The following BRD3 variants were observed in gnomAD, a reference collection of about 807,000 sequenced individuals.
BRD3 encodes the protein bromodomain containing 3.
Under a neutral mutation model 66.8 loss-of-function variants are expected in BRD3, and 17 were observed. That is an observed-to-expected ratio of 0.25 (90% confidence interval 0.17 to 0.38). The LOEUF is 0.38. BRD3 is among the 10% of genes least tolerant of loss of function. The pLI, the probability that BRD3 is intolerant of heterozygous loss-of-function variation, is 1.00. For synonymous variants in BRD3, 421 were observed against 393.2 expected (o/e 1.07, Z -0.84); for missense variants, 713 against 956.1 (o/e 0.75, Z 3.35).
Position 134,052,410 on chromosome 9 carries a change from T to A in BRD3, c.247A>T (p.Met83Leu). Residue 83 changes from methionine (M) to leucine (L), a missense_variant, in exon 3 of 12, where the codon ATG becomes TTG. Physicochemically the swap from Met to Leu is conservative, Grantham distance 15. Around this residue, in one of 5 missense-constraint regions of BRD3, gnomAD observed 85 missense variants for 152.4 expected, o/e 0.56. Coordinates refer to ENST00000303407, the MANE Select transcript of BRD3 (RefSeq NM_007371.4). Reference protein sequence around the residue: ...YHKIIKNPMDMGTIKKRLENN... With the variant: ...YHKIIKNPMDLGTIKKRLENN... Reference sequence around the variant, plus strand: ...TCTAGTCTCTTCTTAATAGTCCCCATATCCATTGGGTTTTTAATTATTTTA... The same window carrying A: ...TCTAGTCTCTTCTTAATAGTCCCCAAATCCATTGGGTTTTTAATTATTTTA... 1 of 1,610,774 alleles carries A rather than the reference T, an allele frequency of 6.2e-7. No homozygotes were observed.
At chr9:134,068,319 C>T (rs1407217496), upstream of BRD3, 1 of 149,354 alleles carries the variant, frequency 6.7e-6, no homozygotes, top group Non-Finnish European at 1.5e-5. Context: ...CCGCACGGCT[C>T]TCCTCACCCC....
chr9:134,044,592 T>C (rs187408463), intron 7 of BRD3, among the ~76,000 whole-genome samples: 500 of 152,208 alleles, frequency 3.3e-3, no homozygotes, highest in Non-Finnish European at 4.9e-3. Context: ...CGATCACAAT[T>C]AGAGAAGGTA....
chr9:134,050,168 C>T (rs1830258893), intron 5 of BRD3, among the ~76,000 whole-genome samples: 1 of 152,246 alleles, frequency 6.6e-6, no homozygotes, highest in Admixed American at 6.5e-5. Context: ...CCTCCCTTAC[C>T]AGCTGTGTGA....
At chr9:134,039,791 C>A (rs899843109) in intron 9 of BRD3, among the ~76,000 whole-genome samples, 2 of 152,254 alleles carry the variant, frequency 1.3e-5, no homozygotes, top group African/African-American at 2.4e-5. Flanking sequence ...ATGTGGAGAC[C>A]AGGCCGTGCC....
At chr9:134,060,063 G>A (rs1368341590) in intron 1 of BRD3, among the ~76,000 whole-genome samples, 1 of 152,174 alleles carries the variant, frequency 6.6e-6, no homozygotes, top group East Asian at 1.9e-4. Flanking sequence ...ACCTCCCCGG[G>A]TCTCCCACTC....
chr9:134,067,730 C>CGCCGCCGCGACCCCGGGCG (rs1830700241), intron 1 of BRD3, among the ~76,000 whole-genome samples: 2 of 145,076 alleles, frequency 1.4e-5, no homozygotes, highest in Non-Finnish European at 3.1e-5. Flanking sequence ...CCGCCGCCAC[C>CGCCGCCGCGACCCCGGGCG]GCCGCCGCGA....
intron 8 of BRD3, among the ~76,000 whole-genome samples, chr9:134,041,357 G>A (rs764358821): frequency 2.8e-4 from 43 of 152,146 alleles, no homozygotes; most frequent in Non-Finnish European, 5.6e-4. Context: ...GCAGCTGCAC[G>A]GCAGGGCCCT....
At chr9:134,052,598 C>T (rs968430132) in intron 2 of BRD3, among the ~76,000 whole-genome samples, 155 bp from the exon 3 acceptor site, 1 of 152,186 alleles carries the variant, frequency 6.6e-6, no homozygotes, top group South Asian at 2.1e-4. Flanking sequence ...GCTATGGTGA[C>T]GTGAGTACTT....
chr9:134,068,492 G>A (rs1338857323), upstream of BRD3: 1 of 150,466 alleles, frequency 6.6e-6, no homozygotes, highest in Non-Finnish European at 1.5e-5. Context: ...CGCACCTGCC[G>A]GGAGCCCGTG....
intron 1 of BRD3, among the ~76,000 whole-genome samples, chr9:134,055,058 A>G (rs1429489679): frequency 1.4e-4 from 20 of 148,120 alleles, no homozygotes; most frequent in African/African-American, 5.0e-4. Context: ...GTGCCTCTCC[A>G]CCTCACCGAC....
chr9:134,060,616 ACACACG>A lies in BRD3; in HGVS notation c.-113-7032_-113-7027del, dbSNP rs1335714819. On this transcript the variant is annotated intron_variant, in intron 1 of 11. Coordinates refer to ENST00000303407, the MANE Select transcript of BRD3 (RefSeq NM_007371.4). ...CACACACACACACACACACACACAC[ACACACG>A]ATCTGGAATGCCATGGAGATTTCCA... Among the ~76,000 whole-genome samples, 19 of 150,658 alleles carry A rather than the reference ACACACG, an allele frequency of 1.3e-4. No homozygotes were observed. The South Asian group carries it at 1.9e-3, about 15-fold the overall frequency.
chr9:134,033,396 C>A lies in BRD3; in HGVS notation c.*194G>T, dbSNP rs201025845. The A allele has an allele frequency of 3.2e-4, 168 of 519,664 alleles. 2 individuals carry two copies. The South Asian group carries it at 4.5e-3, about 14-fold the overall frequency. 32.2% of individuals were successfully genotyped at this position (519,664 alleles called of 1,614,324 possible). A position where few individuals can be genotyped will look rare whatever the true frequency, so the allele number is the denominator to read the frequency against. ...AAGAGACTTTCTGCAGAGTTCACAC[C>A]TTCTCATCAAGTCTAACGCACACAC... On this transcript the variant is annotated 3_prime_UTR_variant, in exon 12 of 12. Transcript: ENST00000303407. The surrounding 1 kb of genome is among the most constrained non-coding windows in gnomAD (Gnocchi z 5.1).
At position 134,032,197 on chromosome 9, in the gene BRD3, A is replaced by G. The variant is rs1158834611; in HGVS notation, c.*1393T>C. 1.4e-5 allele frequency: 3 copies of G among 215,244 alleles called. No homozygotes were observed. The highest frequency in any genetic ancestry group is 2.8e-5 in the Non-Finnish European group (3 of 106,918). The allele number at this position is 215,244 out of a possible 1,614,324, so 13.3% of individuals were successfully genotyped here. A position where few individuals can be genotyped will look rare whatever the true frequency, so the allele number is the denominator to read the frequency against. ...AAACAAAACCAAAACATCACCTTCT[A>G]TTAAACTCTGTATATTATTATTTTT... On this transcript the variant is annotated 3_prime_UTR_variant, in exon 12 of 12. Transcript: ENST00000303407.
chr9:134,060,796 A>C (rs2132451822), intron 1 of BRD3, among the ~76,000 whole-genome samples: 1 of 152,062 alleles, frequency 6.6e-6, no homozygotes, highest in Non-Finnish European at 1.5e-5. Context: ...ACCTATCCTC[A>C]CCCTTGCTGT....
chr9:134,055,102 G>A (rs1258432506), intron 1 of BRD3, among the ~76,000 whole-genome samples: 4 of 152,144 alleles, frequency 2.6e-5, no homozygotes, highest in Admixed American at 1.3e-4. Context: ...CAACCCTGGT[G>A]CGGAGGGCAG....
chr9:134,049,467 C>T (rs1290031709), intron 5 of BRD3, among the ~76,000 whole-genome samples: 1 of 152,220 alleles, frequency 6.6e-6, no homozygotes, highest in Non-Finnish European at 1.5e-5. Context: ...CGGCTATCCA[C>T]AAACACTTGG....
intron 9 of BRD3, among the ~76,000 whole-genome samples, chr9:134,039,173 G>A (rs1448148975): frequency 6.6e-6 from 1 of 152,108 alleles, no homozygotes; most frequent in Non-Finnish European, 1.5e-5. Context: ...AACCTCCAAA[G>A]GGGTATCCTT....
At chr9:134,068,430 G>A (rs193250492), upstream of BRD3, 2,054 of 150,180 alleles carry the variant, frequency 0.014, 54 homozygotes, top group African/African-American at 0.046. Flanking sequence ...CGGGCACCCC[G>A]AGGCCCGCGG....
chr9:134,048,635 AGCTGGCAGTGGTGAG>A (rs1002602675), intron 5 of BRD3, among the ~76,000 whole-genome samples, 181 bp from the exon 6 acceptor site: 1 of 152,154 alleles, frequency 6.6e-6, no homozygotes, highest in African/African-American at 2.4e-5. Flanking sequence ...AAGGTCACAC[AGCTGGCAGTGGTGAG>A]GCTGGGACTC....
Sources: gnomAD v4.1 joint callset for allele counts (sites outside exome capture counted in the v4.1 genomes callset) on GRCh38, gnomAD v4.1.1 for gene constraint, gnomAD v4.1.1 regional missense constraint, Gnocchi (gnomAD v3.1) non-coding constraint, MANE v1.5 for transcripts, NCBI Gene and HGNC (gene_info 2026-07-23, HGNC 2026-07-21) for gene names.